Variants in SEZ6L observed in about 807,000 individuals in gnomAD.
SEZ6L encodes the protein seizure 6-like protein.
A neutral mutation model predicts 106.2 loss-of-function variants in SEZ6L; 37 were observed. That is an observed-to-expected ratio of 0.35 (90% CI 0.27 to 0.46). The LOEUF is 0.46. Among genes scored for constraint, SEZ6L ranks in the 20% least tolerant of loss-of-function variants. The pLI is 1.00. For missense variants in SEZ6L, 1,172 were observed against 1,332.8 expected (o/e 0.88, Z 1.88); for synonymous variants, 541 against 570.4 (o/e 0.95, Z 0.73).
At chr22:26,258,013 C>T (rs1021544956) in intron 1 of SEZ6L, among the ~76,000 whole-genome samples, 1 of 152,120 alleles carries the variant, frequency 6.6e-6, no homozygotes, top group African/African-American at 2.4e-5. Context: ...AGCCAGCTGC[C>T]CTTTCCCTCT....
intron 13 of SEZ6L, among the ~76,000 whole-genome samples, chr22:26,369,206 A>ATTAAAC (rs2083919488): frequency 6.6e-6 from 1 of 151,884 alleles, no homozygotes; most frequent in Admixed American, 6.6e-5. Flanking sequence ...CCCAGGGACC[A>ATTAAAC]GTTTAACTAA....
chr22:26,257,066 T>A (rs1049185314), intron 1 of SEZ6L, among the ~76,000 whole-genome samples: 1 of 152,204 alleles, frequency 6.6e-6, no homozygotes, highest in Non-Finnish European at 1.5e-5. Flanking sequence ...ATGTTTTTGA[T>A]GGTCACAACA....
chr22:26,237,831 A>AAATTGT (rs1250533736), intron 1 of SEZ6L, among the ~76,000 whole-genome samples: 1 of 152,154 alleles, frequency 6.6e-6, no homozygotes, highest in Non-Finnish European at 1.5e-5. Flanking sequence ...TTTAATCAGC[A>AAATTGT]GAGCACAAGT....
chr22:26,185,784 AC>A (rs1370948635), intron 1 of SEZ6L, among the ~76,000 whole-genome samples: 1 of 152,126 alleles, frequency 6.6e-6, no homozygotes, highest in Non-Finnish European at 1.5e-5. Context: ...TACAGCAGGA[AC>A]CACTGAGGCT....
chr22:26,315,661 C>T (rs1189692419), intron 9 of SEZ6L, among the ~76,000 whole-genome samples: 1 of 152,130 alleles, frequency 6.6e-6, no homozygotes, highest in Non-Finnish European at 1.5e-5. Context: ...CTCTCTGGAC[C>T]TCAATTTTTC....
At chr22:26,269,576 G>T (rs773129161) in intron 1 of SEZ6L, among the ~76,000 whole-genome samples, 2 of 152,184 alleles carry the variant, frequency 1.3e-5, no homozygotes, top group Non-Finnish European at 2.9e-5. Flanking sequence ...ACCAGCTCCC[G>T]TCCTTGCCTT....
chr22:26,172,336 C>T (rs1041241777), intron 1 of SEZ6L, among the ~76,000 whole-genome samples: 2 of 152,062 alleles, frequency 1.3e-5, no homozygotes, highest in African/African-American at 2.4e-5. Flanking sequence ...CAGGGGCCAC[C>T]GTATCTAAGC....
intron 1 of SEZ6L, among the ~76,000 whole-genome samples, chr22:26,248,165 A>G (rs2079430347): frequency 6.6e-6 from 1 of 152,236 alleles, no homozygotes; most frequent in South Asian, 2.1e-4. Context: ...TGTGCCAGGT[A>G]GTTCGTAGAA....
intron 6 of SEZ6L, 38 bp downstream of exon 6, chr22:26,306,182 C>A: frequency 1.9e-6 from 3 of 1,601,588 alleles, no homozygotes; most frequent in South Asian, 1.1e-5. Flanking sequence ...CCCGTTTCTT[C>A]CCAGAATATT....
At chr22:26,373,417 T>C in intron 13 of SEZ6L, 34 bp from the exon 14 acceptor site, 1 of 1,589,948 alleles carries the variant, frequency 6.3e-7, no homozygotes, top group Non-Finnish European at 8.5e-7. Context: ...GAATTCACTT[T>C]ACATTGACCA....
chr22:26,188,643 C>G (rs1177031558), intron 1 of SEZ6L, among the ~76,000 whole-genome samples: 4 of 152,210 alleles, frequency 2.6e-5, no homozygotes, highest in Non-Finnish European at 5.9e-5. Context: ...GTATTCGGCA[C>G]TCTGTACTCC....
intron 1 of SEZ6L, among the ~76,000 whole-genome samples, chr22:26,267,392 T>C (rs1219035794): frequency 6.6e-6 from 1 of 152,162 alleles, no homozygotes; most frequent in African/African-American, 2.4e-5. Flanking sequence ...TGCTGGAAAG[T>C]AGGACATGAG....
At chr22:26,219,764 C>T (rs2078408337) in intron 1 of SEZ6L, among the ~76,000 whole-genome samples, 1 of 152,212 alleles carries the variant, frequency 6.6e-6, no homozygotes, top group South Asian at 2.1e-4. Flanking sequence ...AACAGTGTCA[C>T]AGGGAAGGGA....
intron 1 of SEZ6L, among the ~76,000 whole-genome samples, chr22:26,234,295 T>C (rs1272569305): frequency 1.3e-5 from 2 of 152,000 alleles, no homozygotes; most frequent in Non-Finnish European, 2.9e-5. Context: ...AAGCCCACGC[T>C]CTCTTGGCTC....
intron 12 of SEZ6L, 27 bp downstream of exon 12, chr22:26,351,270 C>G (rs2083269439): frequency 1.2e-6 from 2 of 1,602,796 alleles, no homozygotes; most frequent in African/African-American, 2.7e-5. Flanking sequence ...GAATTGGGCC[C>G]CCAGTAGGTA....
At chr22:26,319,623 C>T (rs1045241767) in intron 9 of SEZ6L, among the ~76,000 whole-genome samples, 4 of 152,156 alleles carry the variant, frequency 2.6e-5, no homozygotes, top group Admixed American at 6.5e-5. Context: ...GAGCTTGCTC[C>T]CCATCTCTCC....
intron 9 of SEZ6L, among the ~76,000 whole-genome samples, chr22:26,323,374 T>C (rs1185465558): frequency 6.6e-6 from 1 of 152,184 alleles, no homozygotes; most frequent in East Asian, 1.9e-4. Context: ...GGCTCATGCG[T>C]GTAATCCCAG....
intron 1 of SEZ6L, among the ~76,000 whole-genome samples, chr22:26,174,198 C>G (rs78159447): frequency 0.01 from 1,590 of 152,182 alleles, 17 homozygotes; most frequent in Non-Finnish European, 0.016. Flanking sequence ...TTAATTCTCA[C>G]CAGGGGTGGT....
At position 26,268,947 on chromosome 22, in the gene SEZ6L, T is replaced by C. The variant is rs2080275588; in HGVS notation, c.95-23459T>C. ...AGGGCTTTTGCCCAGCCCTTTAGTC[T>C]CTCTGAGCCTCAATTCTTTTATCTA... On this transcript the variant is annotated intron_variant, in intron 1 of 16. Coordinates refer to ENST00000248933, the MANE Select transcript of SEZ6L (RefSeq NM_021115.5). Among the ~76,000 whole-genome samples the C allele has an allele frequency of 2.6e-5, 4 of 152,196 alleles. No homozygotes were observed. In the South Asian group the frequency reaches 8.3e-4, roughly 32 times the overall value.
Sources: gnomAD v4.1 joint callset for allele counts (sites outside exome capture counted in the v4.1 genomes callset) on GRCh38, gnomAD v4.1.1 for gene constraint, MANE v1.5 for transcripts, NCBI Gene and HGNC (gene_info 2026-07-23, HGNC 2026-07-21) for gene names.